Variants in ENTHD1 observed in about 807,000 individuals in gnomAD.
ENTHD1 encodes ENTH domain-containing protein 1.
A neutral mutation model predicts 39.1 loss-of-function variants in ENTHD1; 23 were observed. The observed-to-expected ratio is 0.59, with a 90% CI of 0.42 to 0.83. The LOEUF is 0.83. Among genes scored for constraint, ENTHD1 ranks in the 40% least tolerant of loss-of-function variants. The pLI is 0.00. For synonymous variants in ENTHD1, 230 were observed against 258.2 expected (o/e 0.89, Z 1.05); for missense variants, 624 against 705.4 (o/e 0.88, Z 1.31).
chr22:39,861,633 G>A (rs1322146675), intron 3 of ENTHD1, 132 bp downstream of exon 3: 3 of 702,114 alleles, frequency 4.3e-6, no homozygotes, highest in Non-Finnish European at 5.9e-6. Context: ...GTTTTCTATA[G>A]TATGAAGCCT....
At chr22:39,776,749 A>G (rs1179739299) in intron 5 of ENTHD1, among the ~76,000 whole-genome samples, 1 of 152,226 alleles carries the variant, frequency 6.6e-6, no homozygotes, top group Non-Finnish European at 1.5e-5. Flanking sequence ...TAAAGTAACT[A>G]AGAATACTTT....
At chr22:39,884,469 C>T (rs914095090) in intron 2 of ENTHD1, among the ~76,000 whole-genome samples, 10 of 151,822 alleles carry the variant, frequency 6.6e-5, no homozygotes, top group Non-Finnish European at 1.3e-4. Flanking sequence ...CGTGAGTCAC[C>T]GCGCCTGGCC....
At chr22:39,753,288 TTCC>T (rs1360311146) in intron 6 of ENTHD1, among the ~76,000 whole-genome samples, 2 of 152,236 alleles carry the variant, frequency 1.3e-5, no homozygotes, top group African/African-American at 4.8e-5. Flanking sequence ...ATCTACTAGC[TTCC>T]TCCTCCTTTT....
chr22:39,747,172 A>G (rs528456678), intron 6 of ENTHD1, among the ~76,000 whole-genome samples: 4 of 152,104 alleles, frequency 2.6e-5, no homozygotes, highest in Non-Finnish European at 5.9e-5. Flanking sequence ...AATTTTTTGT[A>G]GAGAAGGGCT....
Position 39,820,998 on chromosome 22 carries a change from C to A in ENTHD1, c.827G>T (p.Gly276Val), listed in dbSNP as rs1257013551. The change falls in exon 5 of 7, where the codon GGT becomes GTT. Residue 276 changes from glycine (G) to valine (V), a missense_variant. Transcript: ENST00000325157. ...SEAEEVCNLSGADAVPTLSEN... is the reference protein window; with the variant it reads ...SEAEEVCNLSVADAVPTLSEN... The stretch of plus-strand genomic sequence containing the variant: ...CTATTCCTTAACCAATTTACCTGCA[C>A]CCGAAAGATTACAAACTTCTTCTGC... 2.5e-6 allele frequency: 4 copies of A among 1,613,776 alleles called. No homozygotes were observed. In the Admixed American group the frequency reaches 5.0e-5, roughly 20 times the overall value.
intron 5 of ENTHD1, among the ~76,000 whole-genome samples, chr22:39,775,742 T>C (rs2065360651): frequency 6.6e-6 from 1 of 152,194 alleles, no homozygotes; most frequent in Non-Finnish European, 1.5e-5. Context: ...AGCACACAGC[T>C]GGCCTCTGTA....
At chr22:39,814,000 T>C (rs1415203672) in intron 5 of ENTHD1, among the ~76,000 whole-genome samples, 1 of 151,968 alleles carries the variant, frequency 6.6e-6, no homozygotes, top group African/African-American at 2.4e-5. Context: ...ACGAAAGATA[T>C]ACAGAACCTA....
Position 39,765,029 on chromosome 22 carries a change from C to T in ENTHD1, c.1219+194G>A, listed in dbSNP as rs1357675246. On this transcript the variant is annotated intron_variant, in intron 6 of 6. Coordinates refer to ENST00000325157, the MANE Select transcript of ENTHD1 (RefSeq NM_152512.4). ...CACGGTGATGAATTATCTATTAGCCCTTTAATAAAAGGGGGACTTTCCCAA... is the reference window on the plus strand; with the variant it reads ...CACGGTGATGAATTATCTATTAGCCTTTTAATAAAAGGGGGACTTTCCCAA... Among the ~76,000 whole-genome samples the T allele has an allele frequency of 4.6e-5, 7 of 152,150 alleles. No individual in the cohort carries two copies. The East Asian group carries it at 1.3e-3, about 29-fold the overall frequency.
At chr22:39,840,272 G>A (rs1256023762) in intron 3 of ENTHD1, among the ~76,000 whole-genome samples, 2 of 152,222 alleles carry the variant, frequency 1.3e-5, no homozygotes, top group Non-Finnish European at 2.9e-5. Flanking sequence ...GTCATTCAAA[G>A]ATGAGTGCTT....
chr22:39,766,103 A>C (rs1323420632), intron 5 of ENTHD1, among the ~76,000 whole-genome samples: 1 of 150,798 alleles, frequency 6.6e-6, no homozygotes, highest in African/African-American at 2.4e-5. Context: ...TCTTCCACAC[A>C]GTTTCTATAT....
chr22:39,845,220 T>G (rs2065977454), intron 3 of ENTHD1, among the ~76,000 whole-genome samples: 1 of 152,338 alleles, frequency 6.6e-6, no homozygotes, highest in Admixed American at 6.5e-5. Context: ...TTAGCCCATT[T>G]ACTTCTTATA....
chr22:39,825,707 G>GTT (rs34494014), intron 4 of ENTHD1, among the ~76,000 whole-genome samples: 96 of 142,504 alleles, frequency 6.7e-4, no homozygotes, highest in African/African-American at 2.3e-3. Context: ...AGTTTTTGTG[G>GTT]TTTTTTTTTT....
At chr22:39,806,079 T>G (rs898462425) in intron 5 of ENTHD1, among the ~76,000 whole-genome samples, 1 of 152,138 alleles carries the variant, frequency 6.6e-6, no homozygotes, top group Non-Finnish European at 1.5e-5. Flanking sequence ...TACCCCAACA[T>G]CTAGAAACTC....
At chr22:39,882,596 C>T (rs2066347053) in intron 2 of ENTHD1, among the ~76,000 whole-genome samples, 1 of 152,188 alleles carries the variant, frequency 6.6e-6, no homozygotes, top group African/African-American at 2.4e-5. Context: ...GACTGTACAC[C>T]TCAGCAGTAA....
intron 5 of ENTHD1, among the ~76,000 whole-genome samples, chr22:39,793,260 G>T (rs2065519463): frequency 6.7e-6 from 1 of 149,784 alleles, no homozygotes; most frequent in Non-Finnish European, 1.5e-5. Flanking sequence ...TTACAAGGGT[G>T]CCAATTACTC....
intron 1 of ENTHD1, among the ~76,000 whole-genome samples, chr22:39,891,890 G>A (rs975613764): frequency 2.6e-5 from 4 of 151,980 alleles, no homozygotes; most frequent in Admixed American, 6.6e-5. Context: ...AGAGTGCTGG[G>A]ATTACAGGTG....
chr22:39,892,644 T>C (rs1021045750), intron 1 of ENTHD1, among the ~76,000 whole-genome samples: 3 of 152,178 alleles, frequency 2.0e-5, no homozygotes, highest in African/African-American at 7.2e-5. Context: ...ACAGAGGAGC[T>C]GAACTGACTT....
rs1464047530 is a variant in ENTHD1, at chr22:39,862,631, AG to A, written c.350-625del. On this transcript the variant is annotated intron_variant, in intron 2 of 6. Transcript: ENST00000325157. ...GGCATACAAAGAAGGGGTATGAATT[AG>A]ATCTAGATATACTGACCTAGATGTA... Among the ~76,000 whole-genome samples, 16 of 152,336 alleles carry A rather than the reference AG, an allele frequency of 1.1e-4. No homozygotes were observed. The South Asian group carries it at 3.3e-3, about 32-fold the overall frequency.
At chr22:39,772,821 G>A (rs2065337636) in intron 5 of ENTHD1, among the ~76,000 whole-genome samples, 1 of 152,242 alleles carries the variant, frequency 6.6e-6, no homozygotes, top group Admixed American at 6.5e-5. Flanking sequence ...TAAGAAAGCT[G>A]AGTGGCTATA....
Sources: gnomAD v4.1 joint callset for allele counts (sites outside exome capture counted in the v4.1 genomes callset) on GRCh38, gnomAD v4.1.1 for gene constraint, MANE v1.5 for transcripts, NCBI Gene and HGNC (gene_info 2026-07-23, HGNC 2026-07-21) for gene names.